Variants in GLCE observed in about 807,000 individuals in gnomAD.
The protein encoded by GLCE is glucuronic acid epimerase.
GLCE carries 19 observed loss-of-function variants against 47.9 expected under a neutral mutation model. That is an observed-to-expected ratio of 0.40 (90% CI 0.28 to 0.58). The LOEUF (loss-of-function observed/expected upper bound fraction) is 0.58, where lower values mean the gene tolerates loss of function less well. Among genes scored for constraint, GLCE ranks in the 20% least tolerant of loss-of-function variants. The pLI, the probability that GLCE is intolerant of heterozygous loss-of-function variation, is 0.48. For missense variants in GLCE, 556 were observed against 743.3 expected (o/e 0.75, Z 2.93); for synonymous variants, 245 against 263.4 (o/e 0.93, Z 0.68).
At chr15:69,178,914 A>G (rs1316105903) in intron 1 of GLCE, among the ~76,000 whole-genome samples, 1 of 152,198 alleles carries the variant, frequency 6.6e-6, no homozygotes, top group East Asian at 1.9e-4. Flanking sequence ...GGGATGTCAT[A>G]TAGTCATAAA....
intron 1 of GLCE, among the ~76,000 whole-genome samples, chr15:69,186,527 A>G (rs1422385950): frequency 1.3e-5 from 2 of 152,246 alleles, no homozygotes; most frequent in Non-Finnish European, 2.9e-5. Context: ...AGTAAACTGT[A>G]GGCAGTTAAA....
At chr15:69,176,216 G>GTTTTGTTT (rs2051660284) in intron 1 of GLCE, among the ~76,000 whole-genome samples, 1 of 63,388 alleles carries the variant, frequency 1.6e-5, no homozygotes. Context: ...GTGGAACCTT[G>GTTTTGTTT]TTTTTTTTTT....
At chr15:69,227,869 G>C (rs149839283) in intron 2 of GLCE, among the ~76,000 whole-genome samples, 1 of 152,264 alleles carries the variant, frequency 6.6e-6, no homozygotes, top group African/African-American at 2.4e-5. Context: ...TGGAAACTGG[G>C]TAAGGTAAAC....
At chr15:69,235,856 G>A (rs367766772) in intron 2 of GLCE, among the ~76,000 whole-genome samples, 22 of 152,004 alleles carry the variant, frequency 1.4e-4, no homozygotes, top group African/African-American at 3.4e-4. Context: ...GAGTTTTGTC[G>A]GATGAATACA....
intron 3 of GLCE, among the ~76,000 whole-genome samples, chr15:69,256,851 G>C (rs2140440864): frequency 6.6e-6 from 1 of 152,170 alleles, no homozygotes; most frequent in East Asian, 1.9e-4. Context: ...TTTTTCTCTG[G>C]ACTTATACTG....
intron 1 of GLCE, among the ~76,000 whole-genome samples, chr15:69,200,460 A>G (rs1310929455): frequency 1.3e-5 from 2 of 152,188 alleles, no homozygotes; most frequent in African/African-American, 4.8e-5. Context: ...ATACTTTTGG[A>G]TATAAAGCTG....
At chr15:69,216,848 A>G (rs905855434) in intron 2 of GLCE, among the ~76,000 whole-genome samples, 12 of 152,094 alleles carry the variant, frequency 7.9e-5, no homozygotes, top group African/African-American at 2.7e-4. Context: ...TGATAATTCT[A>G]ATTAGCTAAG....
At chr15:69,216,630 C>A (rs1474078637) in intron 2 of GLCE, among the ~76,000 whole-genome samples, 7 of 151,990 alleles carry the variant, frequency 4.6e-5, no homozygotes, top group Non-Finnish European at 7.4e-5. Context: ...TTAGGCCTTT[C>A]TATTTGTTTG....
intron 2 of GLCE, among the ~76,000 whole-genome samples, chr15:69,248,376 C>T (rs1218072861): frequency 2.0e-5 from 3 of 152,280 alleles, no homozygotes; most frequent in Admixed American, 6.5e-5. Flanking sequence ...TACAGCATCA[C>T]AGTCCGTATT....
At position 69,270,551 on chromosome 15, in the gene GLCE, T is replaced by C. The variant is rs1424676657; in HGVS notation, c.*1307T>C. 1 of 152,150 alleles carries C rather than the reference T, an allele frequency of 6.6e-6. No individual in the cohort carries two copies. The highest frequency in any genetic ancestry group is 2.4e-5 in the African/African-American group (1 of 41,422). The allele number at this position is 152,150 out of a possible 1,614,324, so 9.4% of individuals were successfully genotyped here. A position where few individuals can be genotyped will look rare whatever the true frequency, so the allele number is the denominator to read the frequency against. On this transcript the variant is annotated 3_prime_UTR_variant, in exon 5 of 5. Coordinates refer to ENST00000261858, the MANE Select transcript of GLCE (RefSeq NM_015554.3). ...TACACTAAATCAATACTATATCTTA[T>C]ACAGTTTGAAAATATGATACCCTAC...
At chr15:69,197,040 G>A in intron 1 of GLCE, 2 of 323,904 alleles carry the variant, frequency 6.2e-6, no homozygotes, top group South Asian at 5.9e-5. Flanking sequence ...CTGAGTTCCA[G>A]CAAAACCATT....
intron 4 of GLCE, 152 bp from the exon 5 acceptor site, chr15:69,268,068 A>G (rs1379223558): frequency 5.2e-6 from 3 of 571,838 alleles, no homozygotes; most frequent in Non-Finnish European, 9.2e-6. Flanking sequence ...GTTTAATTTA[A>G]TAAAAAATAA....
intron 2 of GLCE, among the ~76,000 whole-genome samples, chr15:69,221,300 A>G (rs1323180719): frequency 1.3e-5 from 2 of 152,146 alleles, no homozygotes; most frequent in African/African-American, 4.8e-5. Flanking sequence ...CAGGATTTTG[A>G]TAGTGATTGC....
intron 2 of GLCE, among the ~76,000 whole-genome samples, chr15:69,236,099 G>A (rs1412259937): frequency 6.6e-6 from 1 of 152,206 alleles, no homozygotes; most frequent in African/African-American, 2.4e-5. Context: ...CTATGTTGTG[G>A]CAGGTTATCA....
chr15:69,169,732 T>C (rs1271711494), intron 1 of GLCE, among the ~76,000 whole-genome samples: 2 of 152,232 alleles, frequency 1.3e-5, no homozygotes, highest in African/African-American at 4.8e-5. Flanking sequence ...CTCATCCTTT[T>C]TTATTGCTGC....
chr15:69,199,008 C>T (rs1196565292), intron 1 of GLCE, among the ~76,000 whole-genome samples: 1 of 152,144 alleles, frequency 6.6e-6, no homozygotes, highest in Non-Finnish European at 1.5e-5. Flanking sequence ...AAATGCTTAA[C>T]TTGTTGAATG....
At chr15:69,192,385 A>G (rs2051926472) in intron 1 of GLCE, among the ~76,000 whole-genome samples, 1 of 151,810 alleles carries the variant, frequency 6.6e-6, no homozygotes, top group Non-Finnish European at 1.5e-5. Context: ...ATTTTTTTAT[A>G]TGTAGAAGTT....
chr15:69,233,976 T>G (rs1486376282), intron 2 of GLCE, among the ~76,000 whole-genome samples: 1 of 150,214 alleles, frequency 6.7e-6, no homozygotes, highest in Admixed American at 6.7e-5. Flanking sequence ...TGGAGAAGAT[T>G]TTTTTGTTTT....
At chr15:69,161,464 C>T (rs976976165) in intron 1 of GLCE, among the ~76,000 whole-genome samples, 1 of 151,552 alleles carries the variant, frequency 6.6e-6, no homozygotes, top group East Asian at 2.0e-4. Context: ...CGGAGCGGGG[C>T]GGTAACTTGG....
Sources: gnomAD v4.1 joint callset for allele counts (sites outside exome capture counted in the v4.1 genomes callset) on GRCh38, gnomAD v4.1.1 for gene constraint, MANE v1.5 for transcripts, NCBI Gene and HGNC (gene_info 2026-07-23, HGNC 2026-07-21) for gene names.